ME1: variants seen among roughly 807,000 people sequenced by gnomAD.
The protein encoded by ME1 is NADP-dependent malic enzyme.
In ME1, 74 loss-of-function variants were observed where a neutral mutation model predicts 66.4. The observed-to-expected ratio is 1.11, with a 90% CI of 0.92 to 1.35. ME1 has a LOEUF of 1.35. ME1 is among the 40% of genes most tolerant of loss of function. ME1 has a pLI of 0.00. For synonymous variants in ME1, 251 were observed against 235.6 expected (o/e 1.07, Z -0.60); for missense variants, 750 against 694.1 (o/e 1.08, Z -0.90).
At chr6:83,333,614 C>T (rs1768459527) in intron 5 of ME1, among the ~76,000 whole-genome samples, 1 of 152,036 alleles carries the variant, frequency 6.6e-6, no homozygotes. Context: ...TTTTGAACTC[C>T]AAGAGCTCAA....
At chr6:83,226,030 T>C (rs888583320) in intron 11 of ME1, among the ~76,000 whole-genome samples, 1 of 152,062 alleles carries the variant, frequency 6.6e-6, no homozygotes, top group African/African-American at 2.4e-5. Context: ...TCTTTCTGTA[T>C]ATTGTAACTT....
chr6:83,244,984 T>C (rs956920710), intron 7 of ME1, among the ~76,000 whole-genome samples: 3 of 152,136 alleles, frequency 2.0e-5, no homozygotes, highest in African/African-American at 7.2e-5. Flanking sequence ...TTACATCACC[T>C]GTGACCTATC....
At position 83,386,468 on chromosome 6, in the gene ME1, T is replaced by C. The variant is rs550621174; in HGVS notation, c.362+11899A>G. Among the ~76,000 whole-genome samples, 25 of 151,940 alleles carry C rather than the reference T, an allele frequency of 1.6e-4. 2 individuals carry two copies. The highest frequency in any genetic ancestry group is 4.6e-4 in the African/African-American group (19 of 41,302). On this transcript the variant is annotated intron_variant, in intron 3 of 13. Coordinates refer to ENST00000369705, the MANE Select transcript of ME1 (RefSeq NM_002395.6). ...CTGGTTCACCTGGGCAGCTCTAGTA[T>C]CCAGGACTACCTAAAGGTTTAGGAC...
At chr6:83,303,450 T>C (rs1023629824) in intron 6 of ME1, among the ~76,000 whole-genome samples, 4 of 152,176 alleles carry the variant, frequency 2.6e-5, no homozygotes, top group African/African-American at 9.7e-5. Context: ...AACTTGCCAA[T>C]TGTCTCTTGA....
At chr6:83,283,842 C>A (rs897510132) in intron 6 of ME1, among the ~76,000 whole-genome samples, 7 of 152,062 alleles carry the variant, frequency 4.6e-5, no homozygotes, top group African/African-American at 1.4e-4. Flanking sequence ...GGAACAAGAA[C>A]AAACTAAACC....
chr6:83,257,441 C>T (rs934245664), intron 6 of ME1, among the ~76,000 whole-genome samples: 4 of 152,064 alleles, frequency 2.6e-5, no homozygotes, highest in African/African-American at 7.2e-5. Flanking sequence ...CAAATTCATT[C>T]CCTAAACAGC....
At chr6:83,272,912 C>T (rs556757230) in intron 6 of ME1, among the ~76,000 whole-genome samples, 47 of 152,206 alleles carry the variant, frequency 3.1e-4, no homozygotes, top group Admixed American at 8.5e-4. Flanking sequence ...TGGTAGCTCA[C>T]GCCTATAATC....
chr6:83,428,774 T>C (rs1157270146), intron 1 of ME1, among the ~76,000 whole-genome samples: 2 of 152,164 alleles, frequency 1.3e-5, no homozygotes, highest in African/African-American at 4.8e-5. Context: ...TCCAAGTTGG[T>C]ACACTGGATT....
chr6:83,414,086 G>T (rs1180156855), intron 1 of ME1, among the ~76,000 whole-genome samples: 1 of 148,880 alleles, frequency 6.7e-6, no homozygotes, highest in African/African-American at 2.5e-5. Flanking sequence ...ACTCCAGCCT[G>T]GGTGACAGAG....
intron 3 of ME1, among the ~76,000 whole-genome samples, chr6:83,380,511 A>G (rs1292814152): frequency 1.3e-5 from 2 of 152,072 alleles, no homozygotes; most frequent in East Asian, 1.9e-4. Flanking sequence ...AAAAGTGGCA[A>G]TGGGGATTGA....
At chr6:83,357,935 C>CTCTCTCTCTCTCTA (rs1447805761) in intron 3 of ME1, among the ~76,000 whole-genome samples, 3 of 30,038 alleles carry the variant, frequency 1.0e-4, no homozygotes, top group Non-Finnish European at 1.8e-4. Context: ...CTCTCTCTCT[C>CTCTCTCTCTCTCTA]TATATATATA....
intron 11 of ME1, among the ~76,000 whole-genome samples, chr6:83,226,041 A>G (rs149570083): frequency 1.3e-3 from 197 of 152,170 alleles, no homozygotes; most frequent in African/African-American, 4.5e-3. Flanking sequence ...ATTGTAACTT[A>G]ACCTTTCCTA....
intron 3 of ME1, among the ~76,000 whole-genome samples, chr6:83,376,654 T>C (rs1017680856): frequency 3.4e-5 from 5 of 146,930 alleles, no homozygotes; most frequent in Non-Finnish European, 7.5e-5. Flanking sequence ...AAAAAAAAAA[T>C]TAGCTGGGTG....
rs746037012 is a variant in ME1, at chr6:83,349,015, A to AAAAAAAAAAAAAAAAAAAAC, written c.439-2682_439-2681insGTTTTTTTTTTTTTTTTTTT. Among the ~76,000 whole-genome samples, 5 of 124,026 alleles carry AAAAAAAAAAAAAAAAAAAAC rather than the reference A, an allele frequency of 4.0e-5. 1 individual carries two copies. The highest frequency in any genetic ancestry group is 1.2e-4 in the African/African-American group (4 of 32,206). The allele number at this position is 124,026 out of a possible 152,430, so 81.4% of individuals were successfully genotyped here. A position where few individuals can be genotyped will look rare whatever the true frequency, so the allele number is the denominator to read the frequency against. On this transcript the variant is annotated intron_variant, in intron 4 of 13. Coordinates refer to ENST00000369705, the MANE Select transcript of ME1 (RefSeq NM_002395.6). Reference sequence around the variant, plus strand: ...AAAAAAAAAAAACAAAAAACAAAAAACAGTGCATTCTTTCTTATTTCTTCA... The same window carrying AAAAAAAAAAAAAAAAAAAAC: ...AAAAAAAAAAAACAAAAAACAAAAAAAAAAAAAAAAAAAAAAAAACCAGTGCATTCTTTCTTATTTCTTCA...
At chr6:83,430,732 C>A in intron 1 of ME1, 145 bp downstream of exon 1, 1 of 646,504 alleles carries the variant, frequency 1.5e-6, no homozygotes, top group Non-Finnish European at 2.6e-6. Flanking sequence ...CTGCCCACAC[C>A]AAGGCCCCCC....
intron 6 of ME1, among the ~76,000 whole-genome samples, chr6:83,309,875 G>A (rs963152495): frequency 6.6e-6 from 1 of 152,028 alleles, no homozygotes; most frequent in Non-Finnish European, 1.5e-5. Flanking sequence ...CAAGGGGAGT[G>A]TGCTATCCTG....
At chr6:83,365,066 C>T (rs1270815849) in intron 3 of ME1, among the ~76,000 whole-genome samples, 1 of 152,202 alleles carries the variant, frequency 6.6e-6, no homozygotes, top group Non-Finnish European at 1.5e-5. Flanking sequence ...CTTGTCCTCA[C>T]ACCCTGAGGC....
At chr6:83,362,230 G>A (rs2128546053) in intron 3 of ME1, among the ~76,000 whole-genome samples, 1 of 152,362 alleles carries the variant, frequency 6.6e-6, no homozygotes, top group Non-Finnish European at 1.5e-5. Context: ...TGTAGGTTTG[G>A]CTGGATGGTC....
At chr6:83,222,609 T>C (rs1441653097) in intron 12 of ME1, among the ~76,000 whole-genome samples, 1 of 152,236 alleles carries the variant, frequency 6.6e-6, no homozygotes, top group East Asian at 1.9e-4. Context: ...ATCAACCTGA[T>C]GATTATCAAA....
Sources: gnomAD v4.1 joint callset for allele counts (sites outside exome capture counted in the v4.1 genomes callset) on GRCh38, gnomAD v4.1.1 for gene constraint, MANE v1.5 for transcripts, NCBI Gene and HGNC (gene_info 2026-07-23, HGNC 2026-07-21) for gene names.